LFNG: variants seen among roughly 807,000 people sequenced by gnomAD.
LFNG encodes beta-1,3-N-acetylglucosaminyltransferase lunatic fringe.
Under a neutral mutation model 32.7 loss-of-function variants are expected in LFNG, and 15 were observed. The ratio of observed to expected loss-of-function variants is 0.46; its 90% CI spans 0.31 to 0.71. The LOEUF (loss-of-function observed/expected upper bound fraction) is 0.71, where lower values mean the gene tolerates loss of function less well. Among genes scored for constraint, LFNG ranks in the 30% least tolerant of loss-of-function variants. LFNG has a pLI of 0.06. For missense variants in LFNG, 520 were observed against 545.7 expected, an observed-to-expected ratio of 0.95 and a Z score of 0.47; for synonymous variants, 274 against 246.8, an observed-to-expected ratio of 1.11 and a Z score of -1.03.
upstream of LFNG, chr7:2,518,493 C>A: frequency 1.1e-6 from 1 of 887,374 alleles, no homozygotes; most frequent in Non-Finnish European, 1.9e-6. Context: ...TGGGGCCAGA[C>A]ATTTATCCAG....
chr7:2,520,191 C>A lies in LFNG; in HGVS notation c.330C>A (p.Leu110=), dbSNP rs760317763. ...DGHPRPLAEP[L]APRDVFIAVK... ...ACCCGCGCCCCCTGGCCGAGCCGCT[C>A]GCGCCCCGAGACGTCTTCATCGCTG... Residue 110 remains leucine, a synonymous_variant, in exon 1 of 8, where the codon CTC becomes CTA. Transcript: ENST00000222725. This position sits in a 1 kb window ranked among gnomAD's most constrained non-coding sequence, Gnocchi z 5.0. 6.3e-6 allele frequency: 10 copies of A among 1,580,868 alleles called. No individual in the cohort carries two copies. Among genetic ancestry groups the A allele is most frequent in the Non-Finnish European group, 7.7e-6 (9 of 1,165,500 alleles).
chr7:2,518,081 C>T (rs537811541), upstream of LFNG: 63 of 343,834 alleles, frequency 1.8e-4, no homozygotes, highest in East Asian at 3.5e-3. Flanking sequence ...GACTGAAGCA[C>T]GTGGGGTCAT....
At chr7:2,514,403 C>T (rs7456513), upstream of LFNG, among the ~76,000 whole-genome samples, 9,671 of 152,318 alleles carry the variant, frequency 0.063, 421 homozygotes, top group Admixed American at 0.11. Flanking sequence ...ATCACGGTCC[C>T]GCTGTCAAGC....
upstream of LFNG, chr7:2,518,636 A>G: frequency 6.2e-7 from 1 of 1,607,104 alleles, no homozygotes. Context: ...AAAGAATTTA[A>G]AATGCCATCT....
upstream of LFNG, among the ~76,000 whole-genome samples, chr7:2,518,326 C>T (rs1040517042): frequency 6.6e-5 from 10 of 152,162 alleles, no homozygotes; most frequent in Non-Finnish European, 1.3e-4. Flanking sequence ...CATCTGCTTT[C>T]GGAGGTGGTG....
chr7:2,524,564 CG>C (rs1562553624), intron 1 of LFNG, 130 bp from the exon 2 acceptor site: 1 of 855,716 alleles, frequency 1.2e-6, no homozygotes, highest in African/African-American at 1.7e-5. Flanking sequence ...AACCAAGGCC[CG>C]GAGAAGGGTG....
upstream of LFNG, chr7:2,513,014 C>T: frequency 9.0e-6 from 7 of 778,502 alleles, no homozygotes; most frequent in Admixed American, 7.4e-5. Context: ...ATGTCACCAT[C>T]TTTTCCTGGA....
rs746486395 is a variant in LFNG, at chr7:2,526,804, C to T, written c.988-32C>T. On this transcript the variant is annotated intron_variant, in intron 6 of 7. Coordinates refer to ENST00000222725, the MANE Select transcript of LFNG (RefSeq NM_001040167.2). This position sits in a 1 kb window ranked among gnomAD's most constrained non-coding sequence, Gnocchi z 6.9. ...GGGCGGGGCCCAGGGATGTCGGGCCCCTCCCGGCATCACTCCGCCCGCTCC... is the reference window on the plus strand; with the variant it reads ...GGGCGGGGCCCAGGGATGTCGGGCCTCTCCCGGCATCACTCCGCCCGCTCC... The T allele has an allele frequency of 1.6e-5, 25 of 1,602,798 alleles. No individual in the cohort carries two copies. The Admixed American group carries it at 3.0e-4, about 19-fold the overall frequency.
upstream of LFNG, chr7:2,518,615 C>T (rs540761256): frequency 1.2e-6 from 2 of 1,611,030 alleles, no homozygotes; most frequent in African/African-American, 2.7e-5. Flanking sequence ...AGAGGGGCTC[C>T]AAGGGCACTT....
intron 1 of LFNG, among the ~76,000 whole-genome samples, chr7:2,522,484 C>T (rs1369735229): frequency 2.6e-5 from 4 of 152,214 alleles, no homozygotes; most frequent in African/African-American, 7.2e-5. Flanking sequence ...GCCACCACAG[C>T]GGCCACAATT....
chr7:2,517,393 G>A (rs374756247), upstream of LFNG, among the ~76,000 whole-genome samples: 3 of 152,100 alleles, frequency 2.0e-5, no homozygotes, highest in Non-Finnish European at 4.4e-5. Context: ...ACAGAGAGAC[G>A]CGGGAACCCC....
chr7:2,525,634 C>A lies in LFNG; in HGVS notation c.736-51C>A, dbSNP rs893239. The A allele has an allele frequency of 0.71, 1,136,326 of 1,611,042 alleles. 407,303 individuals carry two copies. Among genetic ancestry groups the A allele is most frequent in the Non-Finnish European group, 0.74 (869,495 of 1,178,938 alleles). On this transcript the variant is annotated intron_variant, in intron 4 of 7. Coordinates refer to ENST00000222725, the MANE Select transcript of LFNG (RefSeq NM_001040167.2). ...CGCACACCCGGAGTGGGGGTGGGAC[C>A]GTGAGGGGCAGCAGCGCCTGGGTCT...
chr7:2,525,523 G>A lies in LFNG; in HGVS notation c.691G>A (p.Asp231Asn), dbSNP rs139597599. Reference protein sequence around the residue: ...RDVYVGKPSLDRPIQAMERVS... With the variant: ...RDVYVGKPSLNRPIQAMERVS... ...CGTCTACGTCGGCAAGCCCAGCCTG[G>A]ACAGGCCCATCCAGGCCATGGAGCG... Residue 231 changes from aspartate (D) to asparagine (N), a missense_variant, in exon 4 of 8, where the codon GAC becomes AAC. Coordinates refer to ENST00000222725, the MANE Select transcript of LFNG (RefSeq NM_001040167.2). 101 of 1,612,400 alleles carry A rather than the reference G, an allele frequency of 6.3e-5. No homozygotes were observed. In the African/African-American group the frequency reaches 1.3e-3, roughly 21 times the overall value.
Position 2,524,736 on chromosome 7 carries a change from G to A in LFNG, c.474G>A (p.Arg158=), listed in dbSNP as rs746962867. 13 of 1,588,658 alleles carry A rather than the reference G, an allele frequency of 8.2e-6. No homozygotes were observed. In the South Asian group the frequency reaches 1.5e-4, roughly 18 times the overall value. The change falls in exon 2 of 8, where the codon AGG becomes AGA. Residue 158 remains arginine, a synonymous_variant. Coordinates refer to ENST00000222725, the MANE Select transcript of LFNG (RefSeq NM_001040167.2). ...ACGGGGAAGATGAGGCCCTGGCCAG[G>A]CACACGGGTGAGCCCTGGACTTGGG... ...FTDGEDEALA[R]HTGNVVITNC...
At chr7:2,525,979 AG>A (rs1244865817) in intron 5 of LFNG, among the ~76,000 whole-genome samples, 1 of 152,100 alleles carries the variant, frequency 6.6e-6, no homozygotes, top group African/African-American at 2.4e-5. Flanking sequence ...CAGAGCAGCC[AG>A]GGGGGCGATG....
At position 2,526,037 on chromosome 7, in the gene LFNG, C is replaced by T. The variant is rs1054518863; in HGVS notation, c.822-207C>T. On this transcript the variant is annotated intron_variant, in intron 5 of 7. Coordinates refer to ENST00000222725, the MANE Select transcript of LFNG (RefSeq NM_001040167.2). The surrounding 1 kb of genome is among the most constrained non-coding windows in gnomAD (Gnocchi z 6.9). ...CAGGACTCTTCCCTGCACCCAGATT[C>T]CCTCCACAGAGAGCCACGGAGCACA... 6.6e-5 allele frequency among the ~76,000 whole-genome samples: 10 copies of T among 152,048 alleles called. No individual in the cohort carries two copies. The highest frequency in any genetic ancestry group is 1.3e-4 in the Non-Finnish European group (9 of 67,954).
Position 2,527,337 on chromosome 7 carries a change from C to CGTGTGTGCGT in LFNG, c.*132_*133insCGTGTGTGTG, listed in dbSNP as rs1554291258. The CGTGTGTGCGT allele has an allele frequency of 1.7e-6, 2 of 1,161,792 alleles. No individual in the cohort carries two copies. Among genetic ancestry groups the CGTGTGTGCGT allele is most frequent in the African/African-American group, 3.2e-5 (2 of 62,902 alleles). 72.0% of individuals were successfully genotyped at this position (1,161,792 alleles called of 1,614,324 possible). ...GGCCGTGCCTGTGCGTGTGCGTGTG[C>CGTGTGTGCGT]GTGTGTGTGTGTGTGTACTGCATGC... is the stretch of plus-strand genomic sequence containing the variant. On this transcript the variant is annotated 3_prime_UTR_variant, in exon 8 of 8. Coordinates refer to ENST00000222725, the MANE Select transcript of LFNG (RefSeq NM_001040167.2). The surrounding 1 kb of genome is among the most constrained non-coding windows in gnomAD (Gnocchi z 4.4).
At chr7:2,524,491 G>T (rs533743300) in intron 1 of LFNG, among the ~76,000 whole-genome samples, 1 of 152,204 alleles carries the variant, frequency 6.6e-6, no homozygotes, top group Admixed American at 6.5e-5. Context: ...GAGTGAATGC[G>T]TGAGCTCTGG....
chr7:2,521,923 C>T (rs1779803763), intron 1 of LFNG, among the ~76,000 whole-genome samples: 1 of 152,208 alleles, frequency 6.6e-6, no homozygotes, highest in Admixed American at 6.5e-5. Flanking sequence ...TCCCTTGAGC[C>T]CTGAGGTCCC....
Sources: allele counts gnomAD v4.1 joint callset (sites outside exome capture counted in the v4.1 genomes callset), GRCh38; gene constraint gnomAD v4.1.1; non-coding constraint Gnocchi (gnomAD v3.1); transcripts MANE v1.5; gene names NCBI Gene and HGNC (gene_info 2026-07-23, HGNC 2026-07-21).